CNBD1: variants seen among roughly 807,000 people sequenced by gnomAD.
The protein encoded by CNBD1 is cyclic nucleotide binding domain containing 1.
In CNBD1, 71 loss-of-function variants were observed where a neutral mutation model predicts 54.4. That is an observed-to-expected ratio of 1.30 (90% confidence interval 1.08 to 1.59). The LOEUF (loss-of-function observed/expected upper bound fraction) is 1.59, where lower values mean the gene tolerates loss of function less well. Among genes scored for constraint, CNBD1 ranks in the 40% most tolerant of loss-of-function variants. The probability of loss-of-function intolerance (pLI) is 0.00; values close to 1 mark genes in which losing one functional copy is unlikely to be tolerated. For missense variants in CNBD1, 659 were observed against 518.0 expected, an observed-to-expected ratio of 1.27 and a Z score of -2.64; for synonymous variants, 182 against 170.7, an observed-to-expected ratio of 1.07 and a Z score of -0.51.
chr8:86,961,877 C>T (rs1011893133), intron 4 of CNBD1, among the ~76,000 whole-genome samples: 11 of 152,232 alleles, frequency 7.2e-5, no homozygotes, highest in Admixed American at 5.9e-4. Context: ...ACACATAACA[C>T]ATGTGTAACT....
chr8:87,246,101 T>C (rs763221827), intron 6 of CNBD1, among the ~76,000 whole-genome samples: 2 of 152,132 alleles, frequency 1.3e-5, no homozygotes, highest in Admixed American at 6.6e-5. Flanking sequence ...TTTTTGTAAT[T>C]GCCTTGGGAT....
At position 86,972,079 on chromosome 8, in the gene CNBD1, G is replaced by T. The variant is rs576497086; in HGVS notation, c.431+32325G>T. ...GCAGTTCTCTGCCTCAGCCTCCCAAGTAGCTGGGATTACAGGTGCCCGCCA... is the reference window on the plus strand; with the variant it reads ...GCAGTTCTCTGCCTCAGCCTCCCAATTAGCTGGGATTACAGGTGCCCGCCA... On this transcript the variant is annotated intron_variant, in intron 4 of 10. Coordinates refer to ENST00000518476, the MANE Select transcript of CNBD1 (RefSeq NM_173538.3). Among the ~76,000 whole-genome samples the T allele has an allele frequency of 5.1e-3, 768 of 151,980 alleles. 2 individuals carry two copies. Among genetic ancestry groups the T allele is most frequent in the Non-Finnish European group, 8.2e-3 (556 of 67,990 alleles).
chr8:87,180,073 G>T (rs749239688), intron 4 of CNBD1, among the ~76,000 whole-genome samples: 1 of 152,050 alleles, frequency 6.6e-6, no homozygotes, highest in African/African-American at 2.4e-5. Context: ...AAGGAAGCAC[G>T]AAGTGAAAAC....
chr8:87,014,490 A>G (rs990270024), intron 4 of CNBD1, among the ~76,000 whole-genome samples: 3 of 152,210 alleles, frequency 2.0e-5, no homozygotes, highest in African/African-American at 7.2e-5. Context: ...AAGCTTTATT[A>G]CTAAAGTAAA....
chr8:86,880,289 G>A (rs999447847), intron 1 of CNBD1, among the ~76,000 whole-genome samples: 2 of 151,862 alleles, frequency 1.3e-5, no homozygotes, highest in African/African-American at 2.4e-5. Context: ...TTGTTTCTGA[G>A]GTTTCCCTGT....
At chr8:87,327,857 T>C (rs371217937) in intron 8 of CNBD1, among the ~76,000 whole-genome samples, 12 of 152,348 alleles carry the variant, frequency 7.9e-5, no homozygotes, top group African/African-American at 2.9e-4. Flanking sequence ...CTAGGAGTTT[T>C]ACAGTTTAAA....
At chr8:87,235,123 A>G (rs1385160317) in intron 5 of CNBD1, among the ~76,000 whole-genome samples, 1 of 152,182 alleles carries the variant, frequency 6.6e-6, no homozygotes, top group African/African-American at 2.4e-5. Flanking sequence ...ATGAAATTGA[A>G]CAGAAATAGG....
chr8:87,357,342 G>A (rs746400968), intron 10 of CNBD1, among the ~76,000 whole-genome samples: 5 of 152,262 alleles, frequency 3.3e-5, no homozygotes, highest in East Asian at 1.9e-4. Flanking sequence ...AGCTACAGGC[G>A]TTTAACTCCA....
intron 4 of CNBD1, among the ~76,000 whole-genome samples, chr8:87,028,742 CT>C (rs750578832): frequency 4.6e-5 from 7 of 152,106 alleles, no homozygotes; most frequent in Non-Finnish European, 1.0e-4. Flanking sequence ...TATTTGGTAC[CT>C]TTTTTGAGAA....
chr8:87,083,886 C>A (rs1811047709), intron 4 of CNBD1, among the ~76,000 whole-genome samples: 1 of 152,100 alleles, frequency 6.6e-6, no homozygotes, highest in African/African-American at 2.4e-5. Flanking sequence ...CCGCGCCTGG[C>A]CAAACCAATG....
At chr8:87,115,448 A>T (rs946290085) in intron 4 of CNBD1, among the ~76,000 whole-genome samples, 1 of 152,186 alleles carries the variant, frequency 6.6e-6, no homozygotes, top group Non-Finnish European at 1.5e-5. Flanking sequence ...TTTGTCCTAT[A>T]ATTACATAAA....
intron 4 of CNBD1, among the ~76,000 whole-genome samples, chr8:86,966,519 C>T (rs568049383): frequency 2.0e-5 from 3 of 152,210 alleles, no homozygotes; most frequent in African/African-American, 7.2e-5. Context: ...GAGGTGAAGC[C>T]GCAGACCTTT....
chr8:87,412,394 C>A (rs1317335122), intron 2 of CNBD1, among the ~76,000 whole-genome samples: 1 of 151,986 alleles, frequency 6.6e-6, no homozygotes, highest in Non-Finnish European at 1.5e-5. Context: ...CTCGATATGA[C>A]CAGGATTTGC....
chr8:87,347,386 A>G (rs1810195654), intron 8 of CNBD1, among the ~76,000 whole-genome samples: 1 of 152,224 alleles, frequency 6.6e-6, no homozygotes, highest in African/African-American at 2.4e-5. Flanking sequence ...CTATATGTAG[A>G]TACATAAGTG....
intron 4 of CNBD1, among the ~76,000 whole-genome samples, chr8:87,085,259 T>C (rs1272392715): frequency 6.6e-6 from 1 of 152,202 alleles, no homozygotes; most frequent in African/African-American, 2.4e-5. Context: ...ATTAATCATA[T>C]GGATCATATG....
chr8:87,045,910 G>A (rs148173386), intron 4 of CNBD1, among the ~76,000 whole-genome samples: 28,175 of 150,852 alleles, frequency 0.19, 2,768 homozygotes, highest in Non-Finnish European at 0.23. Context: ...CCATGGTGGC[G>A]CACGCCTGTA....
At chr8:87,138,524 C>T (rs191077368) in intron 4 of CNBD1, among the ~76,000 whole-genome samples, 58 of 152,316 alleles carry the variant, frequency 3.8e-4, no homozygotes, top group South Asian at 1.2e-3. Context: ...ACTGCACAAA[C>T]GCAGTGGTCT....
chr8:87,026,964 C>T (rs536466060), intron 4 of CNBD1, among the ~76,000 whole-genome samples: 1 of 152,262 alleles, frequency 6.6e-6, no homozygotes, highest in Admixed American at 6.5e-5. Context: ...TGTATGCTGA[C>T]AGTTCTGAAG....
chr8:87,273,562 T>A (rs1298153653), intron 6 of CNBD1, among the ~76,000 whole-genome samples: 1 of 152,010 alleles, frequency 6.6e-6, no homozygotes, highest in East Asian at 1.9e-4. Flanking sequence ...ACTAATAGGA[T>A]GCAGCCTGAG....
Sources: gnomAD v4.1 joint callset for allele counts (sites outside exome capture counted in the v4.1 genomes callset) on GRCh38, gnomAD v4.1.1 for gene constraint, MANE v1.5 for transcripts, NCBI Gene and HGNC (gene_info 2026-07-23, HGNC 2026-07-21) for gene names.